UBE2G1: variants seen among roughly 807,000 people sequenced by gnomAD.
UBE2G1 encodes the protein ubiquitin-conjugating enzyme E2 G1.
A neutral mutation model predicts 22.7 loss-of-function variants in UBE2G1; 5 were observed. That is an observed-to-expected ratio of 0.22 (90% confidence interval 0.12 to 0.46). UBE2G1 has a LOEUF of 0.46. UBE2G1 is among the 20% of genes least tolerant of loss of function. UBE2G1 has a pLI of 0.99. For synonymous variants in UBE2G1, 74 were observed against 67.5 expected (o/e 1.10, Z -0.47); for missense variants, 88 against 203.9 (o/e 0.43, Z 3.46).
intron 1 of UBE2G1, among the ~76,000 whole-genome samples, chr17:4,316,938 T>TAAAAAAA (rs33950725): frequency 7.4e-6 from 1 of 134,340 alleles, no homozygotes; most frequent in Non-Finnish European, 1.6e-5. Flanking sequence ...GTCTCTTGAA[T>TAAAAAAA]AAAAAAAAAA....
chr17:4,289,445 CT>C (rs762053372), intron 3 of UBE2G1, 37 bp from the exon 4 acceptor site: 16 of 1,469,628 alleles, frequency 1.1e-5, no homozygotes, highest in Non-Finnish European at 1.4e-5. Flanking sequence ...TCATATATTA[CT>C]AATTTGGTTA....
At chr17:4,336,923 T>C (rs1969654882) in intron 1 of UBE2G1, among the ~76,000 whole-genome samples, 1 of 152,118 alleles carries the variant, frequency 6.6e-6, no homozygotes, top group Admixed American at 6.5e-5. Context: ...TTATAAAAAC[T>C]GATCATCAAT....
rs138678080 is a variant in UBE2G1, at chr17:4,295,922, G to A, written c.247+795C>T. Among the ~76,000 whole-genome samples, 16 of 146,638 alleles carry A rather than the reference G, an allele frequency of 1.1e-4. No individual in the cohort carries two copies. In the South Asian group the frequency reaches 3.2e-3, roughly 29 times the overall value. ...TAAAAAAAGTCAATGTCATCACTAC[G>A]TGCACAGCCATACTAGATGCTTTCC... On this transcript the variant is annotated intron_variant, in intron 3 of 5. Transcript: ENST00000396981.
At chr17:4,337,748 A>C (rs1486344883) in intron 1 of UBE2G1, among the ~76,000 whole-genome samples, 1 of 152,190 alleles carries the variant, frequency 6.6e-6, no homozygotes, top group African/African-American at 2.4e-5. Flanking sequence ...CCACAGCCTA[A>C]ACACCTTCAA....
intron 1 of UBE2G1, among the ~76,000 whole-genome samples, chr17:4,364,987 T>C (rs756391063): frequency 2.6e-5 from 4 of 152,242 alleles, no homozygotes; most frequent in Non-Finnish European, 5.9e-5. Context: ...ACTTTAATAC[T>C]TGTCCAAACC....
chr17:4,330,440 A>T (rs1032708500), intron 1 of UBE2G1, among the ~76,000 whole-genome samples: 3 of 152,140 alleles, frequency 2.0e-5, no homozygotes, highest in Admixed American at 6.6e-5. Flanking sequence ...GGATGATTTT[A>T]AAAAAATAAA....
chr17:4,317,141 G>A (rs1969384798), intron 1 of UBE2G1, among the ~76,000 whole-genome samples: 2 of 152,070 alleles, frequency 1.3e-5, no homozygotes, highest in South Asian at 4.1e-4. Context: ...CCTGAGGTCA[G>A]GAGTTTAAGA....
chr17:4,285,160 C>T (rs150918798), intron 4 of UBE2G1, among the ~76,000 whole-genome samples: 2 of 152,006 alleles, frequency 1.3e-5, no homozygotes, highest in African/African-American at 4.8e-5. Context: ...TAATTTAAAA[C>T]GAAAATTTCC....
At chr17:4,290,253 G>A (rs750271139) in intron 3 of UBE2G1, among the ~76,000 whole-genome samples, 5 of 152,116 alleles carry the variant, frequency 3.3e-5, no homozygotes, top group Non-Finnish European at 7.4e-5. Flanking sequence ...AAAGGAATTT[G>A]AGTAGTGACA....
At position 4,366,222 on chromosome 17, in the gene UBE2G1, C is replaced by T. The variant is rs1970033479; in HGVS notation, c.46+49G>A. On this transcript the variant is annotated intron_variant, in intron 1 of 5. Coordinates refer to ENST00000396981, the MANE Select transcript of UBE2G1 (RefSeq NM_003342.5). ...GAGGAGAAGAGGGACTGGGCTGCGG[C>T]TGTCCGCGATCGCGGCCGGGCCCGG... 2.0e-6 allele frequency: 3 copies of T among 1,501,998 alleles called. No homozygotes were observed. The Admixed American group carries it at 6.5e-5, about 32-fold the overall frequency. 93.0% of individuals were successfully genotyped at this position (1,501,998 alleles called of 1,614,324 possible).
intron 2 of UBE2G1, among the ~76,000 whole-genome samples, chr17:4,299,073 G>A (rs2143715541): frequency 6.6e-6 from 1 of 152,320 alleles, no homozygotes; most frequent in East Asian, 1.9e-4. Context: ...GCAATTTAAT[G>A]AGTCACTATC....
At chr17:4,359,858 AAAAAAAAAACAAAC>A (rs1330707754) in intron 1 of UBE2G1, among the ~76,000 whole-genome samples, 5 of 150,374 alleles carry the variant, frequency 3.3e-5, no homozygotes, top group Non-Finnish European at 7.4e-5. Context: ...TCTCAAAAAA[AAAAAAAAAACAAAC>A]AAAAAAAAAC....
intron 1 of UBE2G1, among the ~76,000 whole-genome samples, chr17:4,341,214 T>C (rs1223693841): frequency 6.6e-6 from 1 of 152,150 alleles, no homozygotes; most frequent in Non-Finnish European, 1.5e-5. Context: ...ACAATTTCAG[T>C]CAACGCTTAC....
intron 1 of UBE2G1, among the ~76,000 whole-genome samples, chr17:4,323,246 G>T (rs1271765132): frequency 6.6e-6 from 1 of 152,124 alleles, no homozygotes; most frequent in Non-Finnish European, 1.5e-5. Context: ...AAAATTGAGC[G>T]ATGTTAAGCT....
chr17:4,309,275 A>C (rs544805545), intron 1 of UBE2G1, among the ~76,000 whole-genome samples: 1 of 152,272 alleles, frequency 6.6e-6, no homozygotes, highest in South Asian at 2.1e-4. Flanking sequence ...AAAAATAAAA[A>C]ATTTATGTTT....
chr17:4,306,631 G>A (rs151163012), intron 2 of UBE2G1, among the ~76,000 whole-genome samples: 1 of 152,186 alleles, frequency 6.6e-6, no homozygotes, highest in Non-Finnish European at 1.5e-5. Flanking sequence ...TTTCATGTCA[G>A]TTTGCCAAAA....
At chr17:4,280,545 A>T (rs1968875997) in intron 5 of UBE2G1, among the ~76,000 whole-genome samples, 1 of 151,128 alleles carries the variant, frequency 6.6e-6, no homozygotes, top group Non-Finnish European at 1.5e-5. Flanking sequence ...ATGGGGTTTC[A>T]GCCACATGGA....
At chr17:4,340,095 C>A (rs931546198) in intron 1 of UBE2G1, among the ~76,000 whole-genome samples, 2 of 151,950 alleles carry the variant, frequency 1.3e-5, no homozygotes, top group African/African-American at 4.8e-5. Flanking sequence ...CTTTTTTTAA[C>A]TGTTTGTAGA....
At chr17:4,365,687 A>G (rs1970025600) in intron 1 of UBE2G1, among the ~76,000 whole-genome samples, 1 of 152,122 alleles carries the variant, frequency 6.6e-6, no homozygotes. Flanking sequence ...GCACTCCGCC[A>G]GGGTCTCCGG....
Sources: allele counts gnomAD v4.1 joint callset (sites outside exome capture counted in the v4.1 genomes callset), GRCh38; gene constraint gnomAD v4.1.1; transcripts MANE v1.5; gene names NCBI Gene and HGNC (gene_info 2026-07-23, HGNC 2026-07-21).